Variants in F5 observed in about 807,000 individuals in gnomAD.
F5 encodes the protein coagulation factor V.
Under a neutral mutation model 216.4 loss-of-function variants are expected in F5, and 138 were observed. The ratio of observed to expected loss-of-function variants is 0.64; its 90% CI spans 0.56 to 0.73. The LOEUF is 0.73. F5 is among the 30% of genes least tolerant of loss of function. The pLI is 0.00. For missense variants in F5, 2,403 were observed against 2,674.0 expected, an observed-to-expected ratio of 0.90 and a Z score of 2.24; for synonymous variants, 916 against 930.7, an observed-to-expected ratio of 0.98 and a Z score of 0.29.
At chr1:169,579,412 C>T (rs1271783522) in intron 2 of F5, among the ~76,000 whole-genome samples, 2 of 152,148 alleles carry the variant, frequency 1.3e-5, no homozygotes, top group Non-Finnish European at 2.9e-5. Context: ...TTCACACCCT[C>T]TAAATTCTTC....
Position 169,546,495 on chromosome 1 carries a change from G to A in F5, c.1709C>T (p.Pro570Leu). 6.2e-7 allele frequency: 1 copy of A among 1,614,096 alleles called. No individual in the cohort carries two copies. The highest frequency in any genetic ancestry group is 8.5e-7 in the Non-Finnish European group (1 of 1,179,992). The change falls in exon 11 of 25, where the codon CCT (proline) becomes CTT (leucine). Residue 570 changes from proline (P) to leucine (L), a missense_variant. Around this residue, in one of 4 missense-constraint regions of F5, gnomAD observed 1,425 missense variants for 1,554.8 expected, o/e 0.92. Transcript: ENST00000367797. ...GGGGTCATCACGTTTCACCTCATCA[G>A]GATTTTCACAAAACTTGTTGATGTT... ...EDNINKFCEN[P>L]DEVKRDDPKF... is the part of the protein sequence containing the mutation.
chr1:169,537,351 C>T (rs1659726653), intron 13 of F5, among the ~76,000 whole-genome samples: 1 of 152,116 alleles, frequency 6.6e-6, no homozygotes, highest in Non-Finnish European at 1.5e-5. Flanking sequence ...ATGTTTTGTA[C>T]CCTAAAAGTA....
chr1:169,582,230 T>A (rs2101846828), intron 2 of F5, among the ~76,000 whole-genome samples: 1 of 152,284 alleles, frequency 6.6e-6, no homozygotes, highest in South Asian at 2.1e-4. Flanking sequence ...GCAGTCACTG[T>A]GAAATTTTCA....
chr1:169,527,551 G>GA (rs763808248), intron 17 of F5, among the ~76,000 whole-genome samples: 42 of 152,230 alleles, frequency 2.8e-4, no homozygotes, highest in Non-Finnish European at 4.4e-4. Context: ...CAGAACTGAA[G>GA]AATCTGGAAA....
intron 11 of F5, 27 bp downstream of exon 11, chr1:169,546,415 A>G (rs891568171): frequency 1.9e-6 from 3 of 1,613,776 alleles, no homozygotes; most frequent in Non-Finnish European, 2.5e-6. Flanking sequence ...TGAAAAACTG[A>G]TGAACAAAAA....
chr1:169,527,966 G>A lies in F5; in HGVS notation c.5548C>T (p.Leu1850=), dbSNP rs1413066628. ...TGGTGCTGTTTATTGCCATTTTCCAGCAAGGTCTGGCCGTGAAAGTGAACC... is the reference window on the plus strand; with the variant it reads ...TGGTGCTGTTTATTGCCATTTTCCAACAAGGTCTGGCCGTGAAAGTGAACC... ...HVVHFHGQTL[L]ENGNKQHQLG... Residue 1850 remains leucine, a synonymous_variant, in exon 17 of 25, where the codon CTG becomes TTG. Transcript: ENST00000367797. 1.2e-6 allele frequency: 2 copies of A among 1,613,764 alleles called. No individual in the cohort carries two copies. The highest frequency in any genetic ancestry group is 1.7e-5 in the Admixed American group (1 of 59,952).
intron 1 of F5, among the ~76,000 whole-genome samples, chr1:169,583,033 GA>G (rs1428095763): frequency 3.9e-5 from 6 of 152,120 alleles, no homozygotes; most frequent in Admixed American, 2.6e-4. Flanking sequence ...ACAAACAAAT[GA>G]AAAAACTGTT....
At chr1:169,581,307 A>G (rs1306627291) in intron 2 of F5, among the ~76,000 whole-genome samples, 1 of 152,186 alleles carries the variant, frequency 6.6e-6, no homozygotes, top group Non-Finnish European at 1.5e-5. Flanking sequence ...GAGTAATTTT[A>G]GTAGACTTAT....
intron 4 of F5, among the ~76,000 whole-genome samples, chr1:169,560,349 A>G (rs1195169878): frequency 6.6e-6 from 1 of 151,986 alleles, no homozygotes; most frequent in African/African-American, 2.4e-5. Flanking sequence ...GAGATGAAGG[A>G]GGAATGAGAA....
chr1:169,560,419 G>T, intron 4 of F5, 135 bp downstream of exon 4: 1 of 783,394 alleles, frequency 1.3e-6, no homozygotes, highest in Non-Finnish European at 2.1e-6. Context: ...GTCAAACAAT[G>T]ATCTGGTCTC....
chr1:169,542,192 T>C lies in F5; in HGVS notation c.2898A>G (p.Thr966=), dbSNP rs763646331. ...YEIIQDTDED[T]AVNNWLISPQ... ...GGCTGATCAGCCAATTGTTAACAGC[T>C]GTGTCTTCATCAGTATCTTGGATTA... The change falls in exon 13 of 25, where the codon ACA becomes ACG. Residue 966 remains threonine (T), a synonymous_variant. Coordinates refer to ENST00000367797, the MANE Select transcript of F5 (RefSeq NM_000130.5). 1.9e-6 allele frequency: 3 copies of C among 1,614,016 alleles called. No homozygotes were observed. Among genetic ancestry groups the C allele is most frequent in the Non-Finnish European group, 2.5e-6 (3 of 1,180,002 alleles).
intron 2 of F5, among the ~76,000 whole-genome samples, chr1:169,575,592 G>C (rs927323435): frequency 2.0e-5 from 3 of 152,094 alleles, no homozygotes; most frequent in African/African-American, 7.2e-5. Flanking sequence ...ATGATGAGAT[G>C]ATGAGGAGAG....
chr1:169,567,770 G>A (rs1660640707), intron 3 of F5, among the ~76,000 whole-genome samples: 1 of 152,078 alleles, frequency 6.6e-6, no homozygotes, highest in Non-Finnish European at 1.5e-5. Context: ...ATGTAAAGAA[G>A]ACAGGGCCTG....
At position 169,559,047 on chromosome 1, in the gene F5, G is replaced by A. The variant is rs1199051178; in HGVS notation, c.730+106C>T. ...AATATTTCCTTCTTGATAGGGAGTT[G>A]CAAAACAGTGAGTATGGTCAACTTC... is the stretch of plus-strand genomic sequence containing the variant. On this transcript the variant is annotated intron_variant, in intron 5 of 24. Transcript: ENST00000367797. The A allele has an allele frequency of 3.3e-6, 4 of 1,223,286 alleles. No homozygotes were observed. The African/African-American group carries it at 4.5e-5, about 14-fold the overall frequency. The allele number at this position is 1,223,286 out of a possible 1,614,324, so 75.8% of individuals were successfully genotyped here.
At position 169,518,638 on chromosome 1, in the gene F5, A is replaced by G. The variant is rs1659217500; in HGVS notation, c.6194-75T>C. The G allele has an allele frequency of 8.2e-6, 12 of 1,469,186 alleles. No individual in the cohort carries two copies. In the South Asian group the frequency reaches 1.4e-4, roughly 17 times the overall value. 91.0% of individuals were successfully genotyped at this position (1,469,186 alleles called of 1,614,324 possible). A position where few individuals can be genotyped will look rare whatever the true frequency, so the allele number is the denominator to read the frequency against. On this transcript the variant is annotated intron_variant, in intron 22 of 24. Coordinates refer to ENST00000367797, the MANE Select transcript of F5 (RefSeq NM_000130.5). Reference sequence around the variant, plus strand: ...TGGCTTCATGCACTGCAGAGGAGATAAGAAATAATATTACTACCAACAAAT... The same window carrying G: ...TGGCTTCATGCACTGCAGAGGAGATGAGAAATAATATTACTACCAACAAAT...
chr1:169,582,678 T>C (rs1661016815), intron 1 of F5, among the ~76,000 whole-genome samples, 156 bp from the exon 2 acceptor site: 1 of 152,228 alleles, frequency 6.6e-6, no homozygotes, highest in African/African-American at 2.4e-5. Flanking sequence ...ATATGATCAA[T>C]AAGTAAAGTT....
chr1:169,514,462 G>C lies in F5; in HGVS notation c.6529-3C>G, dbSNP rs1261776085. On this transcript the variant is annotated splice_region_variant and splice_polypyrimidine_tract_variant and intron_variant, in intron 24 of 24. Coordinates refer to ENST00000367797, the MANE Select transcript of F5 (RefSeq NM_000130.5). ...GTATTAGTATTTCCTTCAAAAATCT[G>C]AAAGCCAAATAAGAGAAAATCTTTA... 1 of 1,612,402 alleles carries C rather than the reference G, an allele frequency of 6.2e-7. No individual in the cohort carries two copies. Among genetic ancestry groups the C allele is most frequent in the Non-Finnish European group, 8.5e-7 (1 of 1,179,012 alleles).
chr1:169,520,866 G>A (rs1188687383), intron 21 of F5, among the ~76,000 whole-genome samples: 4 of 152,156 alleles, frequency 2.6e-5, no homozygotes, highest in East Asian at 1.9e-4. Flanking sequence ...CTCCTGCTAA[G>A]TACAACTAAA....
At chr1:169,524,748 A>G in intron 19 of F5, 89 bp downstream of exon 19, 1 of 1,095,792 alleles carries the variant, frequency 9.1e-7, no homozygotes, top group South Asian at 1.2e-5. Flanking sequence ...AAACTGATTC[A>G]TAGATAGGAT....
Sources: gnomAD v4.1 joint callset for allele counts (sites outside exome capture counted in the v4.1 genomes callset) on GRCh38, gnomAD v4.1.1 for gene constraint, gnomAD v4.1.1 regional missense constraint, MANE v1.5 for transcripts, NCBI Gene and HGNC (gene_info 2026-07-23, HGNC 2026-07-21) for gene names.